SCRN1: variants seen among roughly 807,000 people sequenced by gnomAD.
SCRN1 encodes the protein secernin-1.
In SCRN1, 19 loss-of-function variants were observed where a neutral mutation model predicts 43.3. The observed-to-expected ratio is 0.44, with a 90% CI of 0.31 to 0.64. The LOEUF (loss-of-function observed/expected upper bound fraction) is 0.64. Ranked by LOEUF, SCRN1 falls within the 30% of genes least tolerant of loss-of-function variation. The probability of loss-of-function intolerance (pLI) is 0.09; values close to 1 mark genes in which losing one functional copy is unlikely to be tolerated. For missense variants in SCRN1, 447 were observed against 524.1 expected, an observed-to-expected ratio of 0.85 and a Z score of 1.44; for synonymous variants, 183 against 188.9, an observed-to-expected ratio of 0.97 and a Z score of 0.26.
At chr7:29,943,941 T>G in intron 4 of SCRN1, 36 bp downstream of exon 4, 1 of 1,601,988 alleles carries the variant, frequency 6.2e-7, no homozygotes, top group Non-Finnish European at 8.6e-7. Context: ...TGGCCTTCCC[T>G]GTCCTCAGAA....
At chr7:29,945,814 AG>A (rs1787718541) in intron 3 of SCRN1, among the ~76,000 whole-genome samples, 1 of 152,308 alleles carries the variant, frequency 6.6e-6, no homozygotes, top group Admixed American at 6.5e-5. Context: ...CCATGTACTC[AG>A]GAAGTGTCCA....
At chr7:29,988,715 A>T (rs1789248357) in intron 1 of SCRN1, 1 of 152,524 alleles carries the variant, frequency 6.6e-6, no homozygotes. Flanking sequence ...AAGGACTTGC[A>T]TGCTAGAATC....
chr7:29,975,641 A>T (rs1788805309), intron 1 of SCRN1, among the ~76,000 whole-genome samples: 1 of 152,256 alleles, frequency 6.6e-6, no homozygotes, highest in South Asian at 2.1e-4. Context: ...GTCTATAGGT[A>T]CTATGTTGAG....
At chr7:29,978,226 T>C (rs564324291) in intron 1 of SCRN1, among the ~76,000 whole-genome samples, 2 of 152,320 alleles carry the variant, frequency 1.3e-5, no homozygotes, top group East Asian at 3.9e-4. Context: ...CTGCATTAGA[T>C]TGTGTTTTTA....
At chr7:29,976,742 T>G (rs186503340) in intron 1 of SCRN1, among the ~76,000 whole-genome samples, 36 of 152,358 alleles carry the variant, frequency 2.4e-4, no homozygotes, top group Non-Finnish European at 5.9e-5. Flanking sequence ...TCAAACTTCT[T>G]TCAGGATTCA....
intron 3 of SCRN1, among the ~76,000 whole-genome samples, chr7:29,944,384 G>A (rs1411244115): frequency 2.0e-5 from 3 of 152,210 alleles, no homozygotes; most frequent in African/African-American, 7.2e-5. Flanking sequence ...ACCATATGGG[G>A]TGGCCAGGTG....
At chr7:29,946,045 C>T (rs1787726874) in intron 3 of SCRN1, among the ~76,000 whole-genome samples, 1 of 152,154 alleles carries the variant, frequency 6.6e-6, no homozygotes, top group African/African-American at 2.4e-5. Flanking sequence ...AATCTATAGG[C>T]TGATTATTAT....
chr7:29,973,198 GT>G (rs1400988095), intron 1 of SCRN1, among the ~76,000 whole-genome samples: 1 of 152,194 alleles, frequency 6.6e-6, no homozygotes, highest in East Asian at 1.9e-4. Flanking sequence ...TAAGTTAAAG[GT>G]AATCATAGCT....
intron 6 of SCRN1, among the ~76,000 whole-genome samples, chr7:29,929,280 CCTGGG>C (rs1787078584): frequency 6.6e-6 from 1 of 152,254 alleles, no homozygotes; most frequent in Non-Finnish European, 1.5e-5. Context: ...AAGACTCCCA[CCTGGG>C]CTGGTAGGCT....
chr7:29,927,883 G>A (rs1787021661), intron 6 of SCRN1, among the ~76,000 whole-genome samples: 1 of 152,170 alleles, frequency 6.6e-6, no homozygotes, highest in Admixed American at 6.5e-5. Flanking sequence ...CATTTTGGGA[G>A]GCTGGGGCAG....
intron 2 of SCRN1, among the ~76,000 whole-genome samples, chr7:29,961,184 G>A (rs1225199719): frequency 1.4e-5 from 2 of 140,860 alleles, no homozygotes; most frequent in South Asian, 4.8e-4. Context: ...GTGAACAAAG[G>A]TCTCTGGTTT....
At chr7:29,954,869 C>T (rs1383662210) in intron 3 of SCRN1, among the ~76,000 whole-genome samples, 2 of 152,100 alleles carry the variant, frequency 1.3e-5, no homozygotes, top group South Asian at 2.1e-4. Context: ...TTCGTAGAGA[C>T]GGGGTTTCAC....
chr7:29,969,240 G>GAT, intron 1 of SCRN1, 172 bp from the exon 2 acceptor site: 1 of 658,590 alleles, frequency 1.5e-6, no homozygotes, highest in Non-Finnish European at 2.5e-6. Context: ...GCAGTGGAAT[G>GAT]ACAGAGCCAC....
intron 6 of SCRN1, among the ~76,000 whole-genome samples, chr7:29,929,755 G>A (rs1038005760): frequency 1.2e-4 from 18 of 152,172 alleles, no homozygotes; most frequent in African/African-American, 4.1e-4. Context: ...TCTACAACTC[G>A]TTTATTTCTA....
chr7:29,959,692 G>C (rs900739883), intron 2 of SCRN1, among the ~76,000 whole-genome samples: 5 of 152,120 alleles, frequency 3.3e-5, no homozygotes, highest in African/African-American at 4.8e-5. Context: ...TGAGATCAGA[G>C]GGCAACATCC....
At chr7:29,928,219 C>T (rs773473594) in intron 6 of SCRN1, among the ~76,000 whole-genome samples, 93 of 152,144 alleles carry the variant, frequency 6.1e-4, no homozygotes, top group African/African-American at 1.9e-3. Context: ...ATTTTGTCCT[C>T]GGACTTGCAG....
At chr7:29,943,047 T>A (rs144392034) in intron 4 of SCRN1, among the ~76,000 whole-genome samples, 1 of 152,184 alleles carries the variant, frequency 6.6e-6, no homozygotes, top group African/African-American at 2.4e-5. Flanking sequence ...ACAAGTTTCA[T>A]CCCCAACATC....
intron 1 of SCRN1, among the ~76,000 whole-genome samples, chr7:29,971,180 C>G (rs1231970198): frequency 6.6e-6 from 1 of 152,216 alleles, no homozygotes; most frequent in Non-Finnish European, 1.5e-5. Flanking sequence ...GCTCCACCAC[C>G]TACTAGCTGT....
intron 1 of SCRN1, among the ~76,000 whole-genome samples, chr7:29,988,011 G>C (rs1320972296): frequency 6.6e-6 from 1 of 152,054 alleles, no homozygotes; most frequent in East Asian, 1.9e-4. Context: ...AAGATGGCTG[G>C]CAGCACGGAA....
Sources: allele counts gnomAD v4.1 joint callset (sites outside exome capture counted in the v4.1 genomes callset), GRCh38; gene constraint gnomAD v4.1.1; transcripts MANE v1.5; gene names NCBI Gene and HGNC (gene_info 2026-07-23, HGNC 2026-07-21).